ADAM10: variants seen among roughly 807,000 people sequenced by gnomAD.
ADAM10 encodes disintegrin and metalloproteinase domain-containing protein 10.
ADAM10 carries 17 observed loss-of-function variants against 90.1 expected under a neutral mutation model. The observed-to-expected ratio is 0.19, with a 90% confidence interval of 0.13 to 0.28. ADAM10 has a LOEUF of 0.28. ADAM10 is among the 10% of genes least tolerant of loss of function. The pLI, the probability that ADAM10 is intolerant of heterozygous loss-of-function variation, is 1.00. For missense variants in ADAM10, 610 were observed against 914.3 expected, an observed-to-expected ratio of 0.67 and a Z score of 4.29; for synonymous variants, 310 against 298.6, an observed-to-expected ratio of 1.04 and a Z score of -0.40.
chr15:58,604,758 T>C (rs1419017368), intron 14 of ADAM10, among the ~76,000 whole-genome samples: 1 of 152,202 alleles, frequency 6.6e-6, no homozygotes, highest in Non-Finnish European at 1.5e-5. Flanking sequence ...CTTTTTTTTC[T>C]CTTTTAAGAG....
At chr15:58,730,492 A>G (rs1429240781) in intron 1 of ADAM10, among the ~76,000 whole-genome samples, 2 of 151,430 alleles carry the variant, frequency 1.3e-5, no homozygotes, top group Non-Finnish European at 3.0e-5. Context: ...ACTTAGTTTC[A>G]TCCTACAAAA....
chr15:58,655,702 ATATATATAG>A (rs1200776742), intron 5 of ADAM10, among the ~76,000 whole-genome samples: 63 of 53,804 alleles, frequency 1.2e-3, no homozygotes, highest in African/African-American at 8.1e-3. Context: ...TATAGTATAT[ATATATATAG>A]TATATATATA....
In ADAM10 at chr15:58,633,371, C is replaced by T. The variant is rs745856485; in HGVS notation, c.1013-12G>A. On this transcript the variant is annotated splice_polypyrimidine_tract_variant and intron_variant, in intron 8 of 15. Transcript: ENST00000260408. ...TCCTCCAGAGCTTCCTAATCCAGAA[C>T]AAAAAAATGGCTAAATTAGTATCTG... is the stretch of plus-strand genomic sequence containing the variant. The T allele has an allele frequency of 2.5e-6, 4 of 1,611,830 alleles. No individual in the cohort carries two copies. Among genetic ancestry groups the T allele is most frequent in the Non-Finnish European group, 3.4e-6 (4 of 1,178,808 alleles).
At chr15:58,613,981 CAGA>C (rs1410770126) in intron 11 of ADAM10, among the ~76,000 whole-genome samples, 1 of 152,118 alleles carries the variant, frequency 6.6e-6, no homozygotes, top group Non-Finnish European at 1.5e-5. Flanking sequence ...TTAAAAGCTA[CAGA>C]AGGAGAAGAG....
At chr15:58,628,033 A>T in intron 9 of ADAM10, 150 bp from the exon 10 acceptor site, 2 of 802,682 alleles carry the variant, frequency 2.5e-6, no homozygotes, top group South Asian at 3.5e-5. Flanking sequence ...CACCTTGAGT[A>T]GGAAAAGAAT....
intron 5 of ADAM10, among the ~76,000 whole-genome samples, chr15:58,662,859 A>G (rs1012740472): frequency 6.6e-6 from 1 of 152,178 alleles, no homozygotes; most frequent in Admixed American, 6.5e-5. Context: ...CAGACACCTC[A>G]GTCTTCCTGA....
intron 1 of ADAM10, 145 bp downstream of exon 1, chr15:58,749,335 G>T: frequency 2.7e-6 from 3 of 1,101,550 alleles, no homozygotes; most frequent in Non-Finnish European, 3.4e-6. Context: ...ACAATAGGGA[G>T]CGGGGAGCGC....
In ADAM10 at chr15:58,643,975, A is replaced by G. The variant is rs1310226377; in HGVS notation, c.739T>C (p.Ser247Pro). The change falls in exon 7 of 16, where the codon TCC becomes CCC. Residue 247 changes from serine (S) to proline (P), a missense_variant. By Grantham distance (74) the Ser-to-Pro change is moderately conservative (BLOSUM62 -1). Around this residue, in one of 4 missense-constraint regions of ADAM10, gnomAD observed 310 missense variants for 362.4 expected, o/e 0.86. Coordinates refer to ENST00000260408, the MANE Select transcript of ADAM10 (RefSeq NM_001110.4). ...GTATCAATCGCTTTAACATGACTGG[A>G]TATCTATGATTTAAAAAAAAGAACA... Reference protein sequence around the residue: ...GTREAVIAQISSHVKAIDTIY... With the variant: ...GTREAVIAQIPSHVKAIDTIY... The G allele has an allele frequency of 6.2e-7, 1 of 1,601,946 alleles. No individual in the cohort carries two copies. The highest frequency in any genetic ancestry group is 8.6e-7 in the Non-Finnish European group (1 of 1,169,194).
At chr15:58,713,625 T>G (rs1898546406) in intron 2 of ADAM10, among the ~76,000 whole-genome samples, 1 of 152,186 alleles carries the variant, frequency 6.6e-6, no homozygotes. Context: ...AGAAAACTGA[T>G]TCTTAATTTC....
intron 4 of ADAM10, 22 bp downstream of exon 4, chr15:58,679,102 T>C (rs751008839): frequency 1.2e-5 from 19 of 1,608,640 alleles, no homozygotes; most frequent in East Asian, 4.5e-5. Flanking sequence ...AAAAGGCTAC[T>C]TGATAAAACT....
intron 2 of ADAM10, among the ~76,000 whole-genome samples, chr15:58,695,590 T>C (rs926583259): frequency 1.3e-5 from 2 of 152,068 alleles, no homozygotes; most frequent in Non-Finnish European, 2.9e-5. Flanking sequence ...AGCACTAGTA[T>C]TCTATATGGT....
At chr15:58,685,675 C>A (rs1312733926) in intron 2 of ADAM10, among the ~76,000 whole-genome samples, 6 of 150,102 alleles carry the variant, frequency 4.0e-5, no homozygotes. Flanking sequence ...GACAGATACA[C>A]AATAAACTAG....
At position 58,590,857 on chromosome 15, in the gene ADAM10, C is replaced by G. The variant is rs1337749492; in HGVS notation, c.*6690G>C. 2 of 152,116 alleles carry G rather than the reference C, an allele frequency of 1.3e-5. No homozygotes were observed. The highest frequency in any genetic ancestry group is 4.8e-5 in the African/African-American group (2 of 41,416). The allele number at this position is 152,116 out of a possible 1,614,324, so 9.4% of individuals were successfully genotyped here. A position where few individuals can be genotyped will look rare whatever the true frequency, so the allele number is the denominator to read the frequency against. Reference sequence around the variant, plus strand: ...TTTTCTAAAATTCATGCAAATGGAACCACTTTTTATATAAGACAACCTACA... The same window carrying G: ...TTTTCTAAAATTCATGCAAATGGAAGCACTTTTTATATAAGACAACCTACA... On this transcript the variant is annotated 3_prime_UTR_variant, in exon 16 of 16. Transcript: ENST00000260408.
intron 1 of ADAM10, among the ~76,000 whole-genome samples, chr15:58,725,119 A>G (rs1429059418): frequency 6.6e-6 from 1 of 151,994 alleles, no homozygotes; most frequent in East Asian, 1.9e-4. Flanking sequence ...AAGCCCAGGA[A>G]GTCAAAGCTG....
intron 6 of ADAM10, among the ~76,000 whole-genome samples, chr15:58,644,590 G>A (rs914038605): frequency 8.6e-5 from 13 of 151,978 alleles, no homozygotes; most frequent in African/African-American, 2.7e-4. Flanking sequence ...ATCCTACAAC[G>A]TCACACGTCC....
chr15:58,597,221 A>G lies in ADAM10; in HGVS notation c.*326T>C. The G allele has an allele frequency of 1.4e-6, 1 of 708,848 alleles. No homozygotes were observed. Among genetic ancestry groups the G allele is most frequent in the Non-Finnish European group, 2.3e-6 (1 of 441,200 alleles). 43.9% of individuals were successfully genotyped at this position (708,848 alleles called of 1,614,324 possible). ...TGTGGTAAAAGTTTATTGAGAGCCA[A>G]GTTTGCCTGCAAGTGAAGAAAATGC... On this transcript the variant is annotated 3_prime_UTR_variant, in exon 16 of 16. Transcript: ENST00000260408.
At chr15:58,726,593 G>GAAAATAAAAAA (rs1899038491) in intron 1 of ADAM10, among the ~76,000 whole-genome samples, 1 of 42,268 alleles carries the variant, frequency 2.4e-5, no homozygotes, top group African/African-American at 9.1e-5. Context: ...AAAAAAAAAA[G>GAAAATAAAAAA]TATATTACTC....
At position 58,643,773 on chromosome 15, in the gene ADAM10, C is replaced by T. The variant is rs1896475257; in HGVS notation, c.828+113G>A. 8.2e-6 allele frequency: 7 copies of T among 853,930 alleles called. No individual in the cohort carries two copies. In the Admixed American group the frequency reaches 8.3e-5, roughly 10 times the overall value. 52.9% of individuals were successfully genotyped at this position (853,930 alleles called of 1,614,324 possible). On this transcript the variant is annotated intron_variant, in intron 7 of 15. Coordinates refer to ENST00000260408, the MANE Select transcript of ADAM10 (RefSeq NM_001110.4). ...AACTGCATCAACAGATACAATTAAA[C>T]TAAACTACTTAATTCATAAAGATAA...
At chr15:58,686,696 C>T (rs1353299110) in intron 2 of ADAM10, 34 of 667,602 alleles carry the variant, frequency 5.1e-5, no homozygotes, top group Non-Finnish European at 7.9e-5. Context: ...CTCAAGAAAA[C>T]ACTTTTCCCT....
Sources: allele counts gnomAD v4.1 joint callset (sites outside exome capture counted in the v4.1 genomes callset), GRCh38; gene constraint gnomAD v4.1.1; regional missense constraint gnomAD v4.1.1; transcripts MANE v1.5; gene names NCBI Gene and HGNC (gene_info 2026-07-23, HGNC 2026-07-21).